The following ESRRG variants were observed in gnomAD, a reference collection of about 807,000 sequenced individuals.
ESRRG encodes the protein estrogen-related receptor gamma.
Under a neutral mutation model 44.0 loss-of-function variants are expected in ESRRG, and 13 were observed. That is an observed-to-expected ratio of 0.30 (90% CI 0.19 to 0.47). The LOEUF is 0.47. Ranked by LOEUF, ESRRG falls within the 20% of genes least tolerant of loss-of-function variation. ESRRG has a pLI of 1.00. For synonymous variants in ESRRG, 215 were observed against 214.6 expected (o/e 1.00, Z -0.02); for missense variants, 395 against 580.6 (o/e 0.68, Z 3.29).
chr1:216,902,384 G>A (rs1464489956), intron 2 of ESRRG, among the ~76,000 whole-genome samples: 1 of 151,896 alleles, frequency 6.6e-6, no homozygotes, highest in Non-Finnish European at 1.5e-5. Context: ...AGCTACTTGG[G>A]AGGCTGAGGC....
chr1:216,639,016 G>A (rs1331521459), intron 3 of ESRRG, among the ~76,000 whole-genome samples: 1 of 152,110 alleles, frequency 6.6e-6, no homozygotes, highest in African/African-American at 2.4e-5. Flanking sequence ...ACTGGCTAAG[G>A]TCAGAGTAAT....
At position 217,048,367 on chromosome 1, in the gene ESRRG, C is replaced by T. The variant is rs530516937; in HGVS notation, c.-106+41140G>A. On this transcript the variant is annotated intron_variant, in intron 1 of 7. Coordinates refer to the ESRRG transcript ENST00000359162. ...CATGATGCAATAGTGTCAGAGAGAGCTCAGGTGCAACGAGGCAGCAGAGGG... is the reference window on the plus strand; with the variant it reads ...CATGATGCAATAGTGTCAGAGAGAGTTCAGGTGCAACGAGGCAGCAGAGGG... Among the ~76,000 whole-genome samples the T allele has an allele frequency of 2.0e-5, 3 of 152,244 alleles. No individual in the cohort carries two copies. In the South Asian group the frequency reaches 6.2e-4, roughly 32 times the overall value.
At chr1:216,855,424 AT>A (rs35965194) in intron 2 of ESRRG, among the ~76,000 whole-genome samples, 19,735 of 152,122 alleles carry the variant, frequency 0.13, 1,564 homozygotes, top group Non-Finnish European at 0.18. Context: ...TAGAAAAAAA[AT>A]ATCTGTGGGT....
intron 1 of ESRRG, among the ~76,000 whole-genome samples, chr1:216,974,229 G>A (rs2072378840): frequency 6.6e-6 from 1 of 152,096 alleles, no homozygotes; most frequent in Non-Finnish European, 1.5e-5. Flanking sequence ...AGAAGAATTG[G>A]AATGTTCCCA....
At chr1:216,662,634 T>G (rs1041484286) in intron 2 of ESRRG, among the ~76,000 whole-genome samples, 6 of 148,158 alleles carry the variant, frequency 4.0e-5, no homozygotes, top group African/African-American at 1.5e-4. Context: ...AGTGGGGGGG[T>G]TCCTGTTTGA....
At chr1:216,534,222 T>A (rs1383709889) in intron 5 of ESRRG, among the ~76,000 whole-genome samples, 1 of 152,132 alleles carries the variant, frequency 6.6e-6, no homozygotes, top group Admixed American at 6.6e-5. Flanking sequence ...GGGTGGATTT[T>A]ATAAAAGACA....
chr1:217,076,103 T>C (rs1476356303), intron 1 of ESRRG, among the ~76,000 whole-genome samples: 10 of 152,184 alleles, frequency 6.6e-5, no homozygotes. Flanking sequence ...CATCTGTATG[T>C]GGAAGGAAGT....
intron 2 of ESRRG, among the ~76,000 whole-genome samples, chr1:216,734,940 C>T (rs1193846293): frequency 8.4e-6 from 1 of 119,292 alleles, no homozygotes; most frequent in Non-Finnish European, 1.7e-5. Context: ...ACGGAGTCTT[C>T]CTCTGTTGCC....
chr1:216,907,411 G>A (rs1310333382), intron 2 of ESRRG, among the ~76,000 whole-genome samples: 2 of 152,196 alleles, frequency 1.3e-5, no homozygotes, highest in African/African-American at 2.4e-5. Flanking sequence ...ACAGCATTAG[G>A]AGGGAGATGC....
rs563874264 is a variant in ESRRG at position 216,995,258 on chromosome 1, A to G, written c.-105-55585T>C. 2.6e-5 allele frequency among the ~76,000 whole-genome samples: 4 copies of G among 152,222 alleles called. No homozygotes were observed. The South Asian group carries it at 8.3e-4, about 32-fold the overall frequency. ...TATTTGCATTATCACCACCTTAGGGAAGGCCACTGTCATCTCTCACCCTGA... is the reference window on the plus strand; with the variant it reads ...TATTTGCATTATCACCACCTTAGGGGAGGCCACTGTCATCTCTCACCCTGA... On this transcript the variant is annotated intron_variant, in intron 1 of 7. Coordinates refer to the ESRRG transcript ENST00000359162.
At chr1:216,636,973 A>C (rs183793936) in intron 3 of ESRRG, among the ~76,000 whole-genome samples, 2 of 152,328 alleles carry the variant, frequency 1.3e-5, no homozygotes, top group East Asian at 3.9e-4. Context: ...TTTCTACACT[A>C]TCCCCTCCAG....
intron 3 of ESRRG, among the ~76,000 whole-genome samples, chr1:216,631,860 T>C (rs1264531694): frequency 6.6e-6 from 1 of 151,958 alleles, no homozygotes; most frequent in African/African-American, 2.4e-5. Flanking sequence ...ACTGAGAAGC[T>C]CTCTGGCTTT....
intron 1 of ESRRG, among the ~76,000 whole-genome samples, chr1:216,958,483 T>C (rs895344001): frequency 6.7e-6 from 1 of 149,204 alleles, no homozygotes; most frequent in Non-Finnish European, 1.5e-5. Context: ...TATTAATGGG[T>C]ATACAATGGC....
chr1:216,520,802 A>G (rs1381105381), intron 5 of ESRRG, among the ~76,000 whole-genome samples: 1 of 152,168 alleles, frequency 6.6e-6, no homozygotes, highest in African/African-American at 2.4e-5. Flanking sequence ...CTTTCTAGAC[A>G]TTATTATCCA....
rs1574259096 is a variant in ESRRG at position 216,621,617 on chromosome 1, A to T, written c.589+29356T>A. On this transcript the variant is annotated intron_variant, in intron 3 of 6. Transcript: ENST00000408911. ...TCTTGAGGAAACTGAATGCCCCATG[A>T]CTGATCAGGCCATCTGGGGCAGGCC... Among the ~76,000 whole-genome samples, 3 of 152,250 alleles carry T rather than the reference A, an allele frequency of 2.0e-5. No homozygotes were observed. In the East Asian group the frequency reaches 5.8e-4, roughly 29 times the overall value.
At chr1:216,633,608 G>A (rs1369076924) in intron 3 of ESRRG, among the ~76,000 whole-genome samples, 1 of 152,106 alleles carries the variant, frequency 6.6e-6, no homozygotes, top group Non-Finnish European at 1.5e-5. Flanking sequence ...TATACCTTCA[G>A]GATCCTCAGT....
intron 2 of ESRRG, among the ~76,000 whole-genome samples, chr1:216,779,158 A>T (rs1349939086): frequency 3.2e-5 from 3 of 93,398 alleles, no homozygotes; most frequent in Non-Finnish European, 6.4e-5. Context: ...ATATATATAT[A>T]AAATAAATAT....
At chr1:216,980,398 C>T (rs1037403651) in intron 1 of ESRRG, among the ~76,000 whole-genome samples, 1 of 152,176 alleles carries the variant, frequency 6.6e-6, no homozygotes, top group African/African-American at 2.4e-5. Flanking sequence ...CAATGTTTTA[C>T]TCCAAGTCTG....
At chr1:216,648,563 A>G (rs1021217367) in intron 3 of ESRRG, among the ~76,000 whole-genome samples, 1 of 152,176 alleles carries the variant, frequency 6.6e-6, no homozygotes. Context: ...ACCGCCCTTC[A>G]GGATTGTTCC....
Sources: allele counts gnomAD v4.1 joint callset (sites outside exome capture counted in the v4.1 genomes callset), GRCh38; gene constraint gnomAD v4.1.1; transcripts MANE v1.5; gene names NCBI Gene and HGNC (gene_info 2026-07-23, HGNC 2026-07-21).